Variants in GPSM1 observed in about 807,000 individuals in gnomAD.
GPSM1 encodes the protein G protein signaling modulator 1, also known as G protein-signaling modulator 1.
A neutral mutation model predicts 70.5 loss-of-function variants in GPSM1; 48 were observed. The observed-to-expected ratio is 0.68, with a 90% CI of 0.54 to 0.87. The LOEUF (loss-of-function observed/expected upper bound fraction) is 0.87, where lower values mean the gene tolerates loss of function less well. Among genes scored for constraint, GPSM1 ranks in the 40% least tolerant of loss-of-function variants. The pLI is 0.00. For missense variants in GPSM1, 981 were observed against 972.6 expected (o/e 1.01, Z -0.11); for synonymous variants, 416 against 430.1 (o/e 0.97, Z 0.41).
rs373713172 is a variant in GPSM1 at position 136,338,732 on chromosome 9, G to A, written c.974+22G>A. On this transcript the variant is annotated intron_variant, in intron 7 of 13. Coordinates refer to ENST00000440944, the MANE Select transcript of GPSM1 (RefSeq NM_001145638.3). ...ACAGGTGCGTGGGCGCGGACGCGGCGGGCAGACCCGGCCCGGCCCACAGGC... is the reference window on the plus strand; with the variant it reads ...ACAGGTGCGTGGGCGCGGACGCGGCAGGCAGACCCGGCCCGGCCCACAGGC... 3.8e-4 allele frequency: 586 copies of A among 1,530,002 alleles called. 4 individuals carry two copies. In the South Asian group the frequency reaches 5.5e-3, roughly 14 times the overall value. The allele number at this position is 1,530,002 out of a possible 1,614,324, so 94.8% of individuals were successfully genotyped here.
At position 136,340,865 on chromosome 9, in the gene GPSM1, C is replaced by G; in HGVS notation, c.1084-5C>G. 1.3e-6 allele frequency: 2 copies of G among 1,567,318 alleles called. No homozygotes were observed. Among genetic ancestry groups the G allele is most frequent in the Non-Finnish European group, 8.6e-7 (1 of 1,158,978 alleles). On this transcript the variant is annotated splice_polypyrimidine_tract_variant and splice_region_variant and intron_variant, in intron 8 of 13. Transcript: ENST00000440944. This position sits in a 1 kb window ranked among gnomAD's most constrained non-coding sequence, Gnocchi z 7.3. ...CTGCCCGCTCCGCCACCCCACTCGC[C>G]GCAGATCGGGGACCGCCATGGGGAG...
Position 136,349,272 on chromosome 9 carries a change from G to A in GPSM1, c.1279-315G>A, listed in dbSNP as rs571305312. ...TCTCTGAGCCTCTGGTTCCTCTGGT[G>A]TGGCCTGTGTTCAGTTGTGGATGGC... On this transcript the variant is annotated intron_variant, in intron 10 of 13. Coordinates refer to ENST00000440944, the MANE Select transcript of GPSM1 (RefSeq NM_001145638.3). Among the ~76,000 whole-genome samples the A allele has an allele frequency of 1.0e-3, 157 of 152,374 alleles. 1 individual carries two copies. The highest frequency in any genetic ancestry group is 1.9e-3 in the Non-Finnish European group (128 of 68,026).
At chr9:136,347,478 CGA>C (rs1832550658) in intron 9 of GPSM1, among the ~76,000 whole-genome samples, 1 of 152,066 alleles carries the variant, frequency 6.6e-6, no homozygotes, top group Non-Finnish European at 1.5e-5. Context: ...CTCCCAGCTG[CGA>C]GAGTCTCCCT....
At chr9:136,347,992 G>A (rs1194306423) in intron 9 of GPSM1, among the ~76,000 whole-genome samples, 1 of 152,218 alleles carries the variant, frequency 6.6e-6, no homozygotes, top group Non-Finnish European at 1.5e-5. Context: ...CTTCCCAGGG[G>A]CCCGGGACAG....
In GPSM1 at chr9:136,327,712, C is replaced by A; in HGVS notation, c.17C>A (p.Pro6Gln). 8.6e-7 allele frequency: 1 copy of A among 1,167,704 alleles called. No individual in the cohort carries two copies. The highest frequency in any genetic ancestry group is 1.1e-6 in the Non-Finnish European group (1 of 948,428). 72.3% of individuals were successfully genotyped at this position (1,167,704 alleles called of 1,614,324 possible). A position where few individuals can be genotyped will look rare whatever the true frequency, so the allele number is the denominator to read the frequency against. Residue 6 changes from proline (P) to glutamine (Q), a missense_variant, in exon 1 of 14, where the codon CCG becomes CAG. By Grantham distance (76) the Pro-to-Gln change is moderately conservative. Coordinates refer to ENST00000440944, the MANE Select transcript of GPSM1 (RefSeq NM_001145638.3). ...CCCCGACCCATGGCGGGCCCGGCCCCGCCCGCGGCCGACGAGCTCCCGGGC... is the reference window on the plus strand; with the variant it reads ...CCCCGACCCATGGCGGGCCCGGCCCAGCCCGCGGCCGACGAGCTCCCGGGC... MAGPAPPAADELPGPA... is the reference protein window; with the variant it reads MAGPAQPAADELPGPA...
chr9:136,337,652 G>A, intron 5 of GPSM1, 88 bp downstream of exon 5: 1 of 1,331,270 alleles, frequency 7.5e-7, no homozygotes, highest in Non-Finnish European at 1.1e-6. Flanking sequence ...TGAAAGGGCA[G>A]GGTGGTATGG....
chr9:136,328,576 C>T (rs571616252), intron 1 of GPSM1, among the ~76,000 whole-genome samples: 12 of 152,342 alleles, frequency 7.9e-5, no homozygotes, highest in African/African-American at 2.9e-4. Flanking sequence ...GGGGTCCCAG[C>T]AGCTGATCCC....
At chr9:136,339,982 A>G (rs1227093592) in intron 8 of GPSM1, among the ~76,000 whole-genome samples, 167 bp downstream of exon 8, 3 of 136,090 alleles carry the variant, frequency 2.2e-5, no homozygotes, top group African/African-American at 9.7e-5. Context: ...CATGTCTACC[A>G]TGCCCGGGGG....
chr9:136,358,035 C>T lies in GPSM1; in HGVS notation c.1843C>T (p.Arg615Cys), dbSNP rs147843984. 36 of 1,612,558 alleles carry T rather than the reference C, an allele frequency of 2.2e-5. No homozygotes were observed. The highest frequency in any genetic ancestry group is 3.0e-5 in the Non-Finnish European group (35 of 1,179,704). ...KYQSSRIDDQRCPPPDVLPRG... is the reference protein window; with the variant it reads ...KYQSSRIDDQCCPPPDVLPRG... Reference sequence around the variant, plus strand: ...CCAGTCCTCCAGGATCGATGACCAGCGCTGCCCGCCACCTGACGTACTGCC... The same window carrying T: ...CCAGTCCTCCAGGATCGATGACCAGTGCTGCCCGCCACCTGACGTACTGCC... The change falls in exon 14 of 14, where the codon CGC (arginine) becomes TGC (cysteine). Residue 615 changes from arginine to cysteine, a missense_variant. Arg to Cys is a radical substitution (Grantham distance 180). Transcript: ENST00000440944.
intron 1 of GPSM1, among the ~76,000 whole-genome samples, chr9:136,329,736 C>A (rs895305965): frequency 6.6e-6 from 1 of 152,166 alleles, no homozygotes; most frequent in Non-Finnish European, 1.5e-5. Flanking sequence ...ACACTGACAG[C>A]GAGGCCCATG....
chr9:136,352,060 G>A (rs536995296), intron 11 of GPSM1, among the ~76,000 whole-genome samples: 5 of 147,676 alleles, frequency 3.4e-5, no homozygotes, highest in South Asian at 2.1e-4. Flanking sequence ...CCAATACTGC[G>A]CCGTTGCTGT....
At chr9:136,333,259 C>G (rs1832145357) in intron 1 of GPSM1, among the ~76,000 whole-genome samples, 1 of 152,224 alleles carries the variant, frequency 6.6e-6, no homozygotes, top group African/African-American at 2.4e-5. Context: ...TCACACTGGC[C>G]ACCCCATGGC....
At position 136,331,108 on chromosome 9, in the gene GPSM1, G is replaced by A. The variant is rs551291210; in HGVS notation, c.69-3339G>A. ...CTCTGTCAGGTTCCAGCCTCCTCAT[G>A]GGCCACAGGTGGCTGGAGAAGCTGG... On this transcript the variant is annotated intron_variant, in intron 1 of 13. Coordinates refer to ENST00000440944, the MANE Select transcript of GPSM1 (RefSeq NM_001145638.3). 3.0e-3 allele frequency among the ~76,000 whole-genome samples: 453 copies of A among 152,272 alleles called. 6 individuals carry two copies. Among genetic ancestry groups the A allele is most frequent in the African/African-American group, 0.01 (429 of 41,552 alleles).
At chr9:136,347,164 T>TGCCCG (rs1554771396) in intron 9 of GPSM1, among the ~76,000 whole-genome samples, 3 of 151,984 alleles carry the variant, frequency 2.0e-5, no homozygotes, top group Non-Finnish European at 4.4e-5. Context: ...GGAGGGGAAC[T>TGCCCG]GCCCGGCCCG....
Position 136,341,016 on chromosome 9 carries a change from G to T in GPSM1, c.1207+23G>T. 1.3e-6 allele frequency: 2 copies of T among 1,562,402 alleles called. No individual in the cohort carries two copies. Among genetic ancestry groups the T allele is most frequent in the Non-Finnish European group, 1.7e-6 (2 of 1,153,840 alleles). Reference sequence around the variant, plus strand: ...AGGGTGAGTTCCAGGGTTGTGGGGGGGTCTTGCTCCCCACAGGCACGGACC... The same window carrying T: ...AGGGTGAGTTCCAGGGTTGTGGGGGTGTCTTGCTCCCCACAGGCACGGACC... On this transcript the variant is annotated intron_variant, in intron 9 of 13. Coordinates refer to ENST00000440944, the MANE Select transcript of GPSM1 (RefSeq NM_001145638.3). This position sits in a 1 kb window ranked among gnomAD's most constrained non-coding sequence, Gnocchi z 6.7.
chr9:136,356,763 A>T (rs1234015506), intron 13 of GPSM1, among the ~76,000 whole-genome samples: 1 of 152,044 alleles, frequency 6.6e-6, no homozygotes, highest in East Asian at 1.9e-4. Flanking sequence ...TGCTGGAGAC[A>T]CCAGAGACCC....
chr9:136,355,007 T>C, intron 11 of GPSM1: 1 of 1,082,368 alleles, frequency 9.2e-7, no homozygotes, highest in Non-Finnish European at 1.1e-6. Context: ...TCCGGGGCAG[T>C]CGGCGGGTGC....
intron 11 of GPSM1, chr9:136,354,833 C>A (rs1307472099): frequency 8.0e-6 from 8 of 997,938 alleles, no homozygotes; most frequent in African/African-American, 3.5e-5. Flanking sequence ...ACACAGGGAG[C>A]TCATGGCAGG....
chr9:136,352,630 G>A (rs1408755106), intron 11 of GPSM1, among the ~76,000 whole-genome samples: 1 of 152,264 alleles, frequency 6.6e-6, no homozygotes, highest in Non-Finnish European at 1.5e-5. Context: ...TGTGGGACAG[G>A]AAGGGCCGTC....
Sources: gnomAD v4.1 joint callset for allele counts (sites outside exome capture counted in the v4.1 genomes callset) on GRCh38, gnomAD v4.1.1 for gene constraint, Gnocchi (gnomAD v3.1) non-coding constraint, MANE v1.5 for transcripts, NCBI Gene and HGNC (gene_info 2026-07-23, HGNC 2026-07-21) for gene names.